Variants in ASAP1 observed in about 807,000 individuals in gnomAD.
ASAP1 encodes ArfGAP with SH3 domain, ankyrin repeat and PH domain 1, also known as arf-GAP with SH3 domain, ANK repeat and PH domain-containing protein 1.
A neutral mutation model predicts 145.2 loss-of-function variants in ASAP1; 43 were observed. The observed-to-expected ratio is 0.30, with a 90% CI of 0.23 to 0.38. ASAP1 has a LOEUF of 0.38. Ranked by LOEUF, ASAP1 falls within the 10% of genes least tolerant of loss-of-function variation. ASAP1 has a pLI of 1.00. For missense variants in ASAP1, 1,018 were observed against 1,355.3 expected, an observed-to-expected ratio of 0.75 and a Z score of 3.91; for synonymous variants, 546 against 515.5, an observed-to-expected ratio of 1.06 and a Z score of -0.80.
At chr8:130,368,578 T>A (rs1010116648) in intron 2 of ASAP1, among the ~76,000 whole-genome samples, 1 of 152,136 alleles carries the variant, frequency 6.6e-6, no homozygotes, top group Non-Finnish European at 1.5e-5. Flanking sequence ...ACAGCAATGA[T>A]GGGTACTAGA....
intron 18 of ASAP1, among the ~76,000 whole-genome samples, chr8:130,121,195 T>C (rs1217091757): frequency 6.6e-6 from 1 of 152,186 alleles, no homozygotes; most frequent in Non-Finnish European, 1.5e-5. Flanking sequence ...GGATCTATTC[T>C]AACAGCTTCT....
intron 1 of ASAP1, among the ~76,000 whole-genome samples, chr8:130,417,576 A>G (rs1014843076): frequency 2.0e-5 from 3 of 151,932 alleles, no homozygotes; most frequent in Non-Finnish European, 2.9e-5. Flanking sequence ...ATACCTAGAC[A>G]TGCTTCATGA....
chr8:130,246,503 A>C (rs1818863548), intron 3 of ASAP1, among the ~76,000 whole-genome samples: 2 of 152,056 alleles, frequency 1.3e-5, no homozygotes, highest in Admixed American at 1.3e-4. Context: ...GAGTTCTCAC[A>C]AGATCTGATG....
intron 5 of ASAP1, among the ~76,000 whole-genome samples, chr8:130,199,947 C>T (rs1815759992): frequency 6.6e-6 from 1 of 152,204 alleles, no homozygotes; most frequent in Non-Finnish European, 1.5e-5. Flanking sequence ...ACAATGTTCA[C>T]TATGAAACTT....
chr8:130,155,801 G>C (rs2097657309), intron 12 of ASAP1, among the ~76,000 whole-genome samples: 2 of 152,186 alleles, frequency 1.3e-5, no homozygotes, highest in African/African-American at 2.4e-5. Flanking sequence ...AAGACTCTTG[G>C]CATCTGGTGC....
rs944310937 is a variant in ASAP1, at chr8:130,112,133, T to C, written c.2362A>G (p.Thr788Ala). The change falls in exon 24 of 30, where the codon ACG becomes GCG. Residue 788 changes from threonine to alanine, a missense_variant. By Grantham distance (58) the Thr-to-Ala change is moderately conservative. This residue lies in a region of ASAP1 where 353 missense variants were observed against 375.4 expected (regional missense o/e 0.94). Coordinates refer to ENST00000518721, the MANE Select transcript of ASAP1 (RefSeq NM_018482.4). ...CTAGGAGGCAGAGGGGGAGCCTCCG[T>C]GGTTGGTGATGTGGGCGAGTCTGTG... ...TSTDSPTSPT[T>A]EAPPLPPRNA... is the part of the protein sequence containing the mutation. The C allele has an allele frequency of 3.7e-6, 6 of 1,613,682 alleles. No individual in the cohort carries two copies. The highest frequency in any genetic ancestry group is 5.1e-6 in the Non-Finnish European group (6 of 1,179,902).
rs1383299619 is a variant in ASAP1, at chr8:130,358,465, G to T, written c.60-322C>A. Among the ~76,000 whole-genome samples the T allele has an allele frequency of 6.7e-6, 1 of 148,330 alleles. No homozygotes were observed. Among genetic ancestry groups the T allele is most frequent in the Non-Finnish European group, 1.5e-5 (1 of 66,472 alleles). On this transcript the variant is annotated intron_variant, in intron 2 of 29. Coordinates refer to ENST00000518721, the MANE Select transcript of ASAP1 (RefSeq NM_018482.4). The surrounding 1 kb of genome is among the most constrained non-coding windows in gnomAD (Gnocchi z 4.1). ...CCTCAGCGGCGGGGGAGGGGACGCGGCTGCGCGCGGGGTCTTCGCGGGGGT... is the reference window on the plus strand; with the variant it reads ...CCTCAGCGGCGGGGGAGGGGACGCGTCTGCGCGCGGGGTCTTCGCGGGGGT...
chr8:130,089,096 T>A (rs2097500155), intron 25 of ASAP1, among the ~76,000 whole-genome samples: 1 of 152,178 alleles, frequency 6.6e-6, no homozygotes, highest in Non-Finnish European at 1.5e-5. Flanking sequence ...GCCACTGTGA[T>A]ACCCACTACA....
At chr8:130,402,061 G>A (rs1405870354) in intron 1 of ASAP1, 91 bp from the exon 2 acceptor site, 14 of 798,630 alleles carry the variant, frequency 1.8e-5, no homozygotes, top group Non-Finnish European at 2.4e-5. Flanking sequence ...GATTTCATAT[G>A]GAGGCTGCAC....
intron 9 of ASAP1, among the ~76,000 whole-genome samples, chr8:130,177,635 T>G (rs1040955405): frequency 6.6e-6 from 1 of 152,156 alleles, no homozygotes; most frequent in Non-Finnish European, 1.5e-5. Context: ...AGGTGAAAAC[T>G]TTCTACTTCA....
At position 130,061,075 on chromosome 8, in the gene ASAP1, G is replaced by A; in HGVS notation, c.2702-6C>T. On this transcript the variant is annotated splice_region_variant and splice_polypyrimidine_tract_variant and intron_variant, in intron 27 of 29. Coordinates refer to ENST00000518721, the MANE Select transcript of ASAP1 (RefSeq NM_018482.4). Reference sequence around the variant, plus strand: ...ATCTGTTTTCCTTAGTGCCACTGTGGAAGCAATCAAAAACAAGGAGGTCAT... The same window carrying A: ...ATCTGTTTTCCTTAGTGCCACTGTGAAAGCAATCAAAAACAAGGAGGTCAT... 1 of 1,521,234 alleles carries A rather than the reference G, an allele frequency of 6.6e-7. No individual in the cohort carries two copies. The highest frequency in any genetic ancestry group is 8.8e-7 in the Non-Finnish European group (1 of 1,137,874). 94.2% of individuals were successfully genotyped at this position (1,521,234 alleles called of 1,614,324 possible).
At chr8:130,357,961 C>T (rs1165516772) in intron 3 of ASAP1, 56 bp downstream of exon 3, 3 of 1,549,012 alleles carry the variant, frequency 1.9e-6, no homozygotes, top group African/African-American at 1.4e-5. Context: ...AGGAGATCCT[C>T]CAGCTGCGCG....
At chr8:130,318,344 AGTGTTGGGATTACAG>A (rs1486508892) in intron 3 of ASAP1, among the ~76,000 whole-genome samples, 1 of 152,158 alleles carries the variant, frequency 6.6e-6, no homozygotes, top group Non-Finnish European at 1.5e-5. Context: ...GGCCTCCCAA[AGTGTTGGGATTACAG>A]GCATTAGCCA....
rs546758734 is a variant in ASAP1, at chr8:130,094,978, T to TTA, written c.2402-2837_2402-2836dup. ...AGCCATGTCTCTGAGCAACGCTGCATTATATATGTATGAGACTGTAGGAGA... is the reference window on the plus strand; with the variant it reads ...AGCCATGTCTCTGAGCAACGCTGCATTATATATATGTATGAGACTGTAGGAGA... On this transcript the variant is annotated intron_variant, in intron 24 of 29. Transcript: ENST00000518721. Among the ~76,000 whole-genome samples, 146 of 152,304 alleles carry TTA rather than the reference T, an allele frequency of 9.6e-4. 2 individuals carry two copies. The highest frequency in any genetic ancestry group is 3.3e-3 in the African/African-American group (136 of 41,572).
At chr8:130,443,309 G>A (rs1373168504) in intron 1 of ASAP1, among the ~76,000 whole-genome samples, 151 bp downstream of exon 1, 1 of 151,662 alleles carries the variant, frequency 6.6e-6, no homozygotes, top group Non-Finnish European at 1.5e-5. Flanking sequence ...TCCCCGCGGA[G>A]AAGGACACCC....
At chr8:130,221,269 G>T (rs1037544471) in intron 4 of ASAP1, among the ~76,000 whole-genome samples, 4 of 151,942 alleles carry the variant, frequency 2.6e-5, no homozygotes, top group African/African-American at 9.7e-5. Context: ...AAGAAAGAAA[G>T]AGAAGGAAGG....
At chr8:130,302,058 A>C (rs2137435054) in intron 3 of ASAP1, among the ~76,000 whole-genome samples, 1 of 152,384 alleles carries the variant, frequency 6.6e-6, no homozygotes, top group African/African-American at 2.4e-5. Context: ...GCATTCCAAA[A>C]GGAGAGAAAG....
rs1375855114 is a variant in ASAP1, at chr8:130,358,962, A to G, written c.60-819T>C. 1.3e-5 allele frequency among the ~76,000 whole-genome samples: 2 copies of G among 151,998 alleles called. No individual in the cohort carries two copies. Among genetic ancestry groups the G allele is most frequent in the African/African-American group, 2.4e-5 (1 of 41,422 alleles). ...TTTTTAGTCGCGTGTGGGTGCAGGAAGTGAGGCCCCGGGAGAGCCGCCTTC... is the reference window on the plus strand; with the variant it reads ...TTTTTAGTCGCGTGTGGGTGCAGGAGGTGAGGCCCCGGGAGAGCCGCCTTC... On this transcript the variant is annotated intron_variant, in intron 2 of 29. Coordinates refer to ENST00000518721, the MANE Select transcript of ASAP1 (RefSeq NM_018482.4). This position sits in a 1 kb window ranked among gnomAD's most constrained non-coding sequence, Gnocchi z 4.1.
chr8:130,427,380 C>T (rs557863226), intron 1 of ASAP1, among the ~76,000 whole-genome samples: 3 of 152,188 alleles, frequency 2.0e-5, no homozygotes, highest in Non-Finnish European at 4.4e-5. Flanking sequence ...CAAAGGCCAG[C>T]TCTCTCTTCC....
Sources: allele counts gnomAD v4.1 joint callset (sites outside exome capture counted in the v4.1 genomes callset), GRCh38; gene constraint gnomAD v4.1.1; regional missense constraint gnomAD v4.1.1; non-coding constraint Gnocchi (gnomAD v3.1); transcripts MANE v1.5; gene names NCBI Gene and HGNC (gene_info 2026-07-23, HGNC 2026-07-21).